The following UQCC1 variants were observed in gnomAD, a reference collection of about 807,000 sequenced individuals.
UQCC1 encodes the protein ubiquinol-cytochrome c reductase complex assembly factor 1.
UQCC1 carries 38 observed loss-of-function variants against 48.0 expected under a neutral mutation model. That is an observed-to-expected ratio of 0.79 (90% CI 0.61 to 1.04). The LOEUF is 1.04. UQCC1 is among the 50% of genes least tolerant of loss of function. The pLI, the probability that UQCC1 is intolerant of heterozygous loss-of-function variation, is 0.00. For synonymous variants in UQCC1, 111 were observed against 129.2 expected (o/e 0.86, Z 0.95); for missense variants, 368 against 381.8 (o/e 0.96, Z 0.30).
intron 7 of UQCC1, among the ~76,000 whole-genome samples, chr20:35,331,148 C>G (rs953065978): frequency 6.6e-6 from 1 of 152,034 alleles, no homozygotes; most frequent in Non-Finnish European, 1.5e-5. Context: ...GAGACAGAAG[C>G]CTGCTCAGCG....
intron 6 of UQCC1, among the ~76,000 whole-genome samples, chr20:35,352,691 G>GT (rs1568675829): frequency 2.0e-5 from 2 of 101,260 alleles, no homozygotes; most frequent in African/African-American, 5.8e-5. Context: ...TTTGGTTTTT[G>GT]TTTTTTTCAG....
chr20:35,384,425 G>A (rs144394380), intron 2 of UQCC1: 62 of 341,108 alleles, frequency 1.8e-4, no homozygotes, highest in African/African-American at 1.3e-3. Context: ...AGGATTGCTT[G>A]AGGCCAGAGT....
intron 6 of UQCC1, among the ~76,000 whole-genome samples, chr20:35,362,213 T>C (rs2061614238): frequency 6.6e-6 from 1 of 152,164 alleles, no homozygotes; most frequent in South Asian, 2.1e-4. Flanking sequence ...TGCAGAAGAC[T>C]TGATATTTCT....
At chr20:35,377,649 T>A (rs943465170) in intron 4 of UQCC1, among the ~76,000 whole-genome samples, 19 of 152,224 alleles carry the variant, frequency 1.2e-4, no homozygotes, top group African/African-American at 4.6e-4. Context: ...TATGTAACTT[T>A]AACTAAAATT....
intron 6 of UQCC1, among the ~76,000 whole-genome samples, chr20:35,353,929 ATT>A (rs2061518318): frequency 6.6e-6 from 1 of 152,160 alleles, no homozygotes; most frequent in Non-Finnish European, 1.5e-5. Context: ...CAAGAATACC[ATT>A]TTTTATTTCT....
chr20:35,363,960 G>A (rs1164340798), intron 6 of UQCC1, among the ~76,000 whole-genome samples: 1 of 151,850 alleles, frequency 6.6e-6, no homozygotes, highest in African/African-American at 2.4e-5. Context: ...TGCCCACCCC[G>A]CCCCTGCACG....
intron 6 of UQCC1, among the ~76,000 whole-genome samples, chr20:35,361,514 C>T (rs1049343044): frequency 6.6e-6 from 1 of 152,212 alleles, no homozygotes; most frequent in African/African-American, 2.4e-5. Context: ...CTGCTGTACA[C>T]AGTACCTTCA....
At chr20:35,404,912 C>T (rs1001733121) in intron 1 of UQCC1, among the ~76,000 whole-genome samples, 6 of 152,096 alleles carry the variant, frequency 3.9e-5, no homozygotes, top group Non-Finnish European at 1.5e-5. Flanking sequence ...AAAGGAAAAG[C>T]TGGGGAATAA....
chr20:35,401,720 G>A lies in UQCC1; in HGVS notation c.25-7524C>T, dbSNP rs148613458. Among the ~76,000 whole-genome samples the A allele has an allele frequency of 7.2e-3, 971 of 134,816 alleles. 15 individuals are homozygous for A. Among genetic ancestry groups the A allele is most frequent in the African/African-American group, 0.026 (930 of 36,154 alleles). The allele number at this position is 134,816 out of a possible 152,430, so 88.4% of individuals were successfully genotyped here. The stretch of plus-strand genomic sequence containing the variant: ...CTTGTTGCCCAGACTGGAGTGCAAT[G>A]ACGCAATCTCAGCTCACCGCAACCT... On this transcript the variant is annotated intron_variant, in intron 1 of 9. Coordinates refer to ENST00000374385, the MANE Select transcript of UQCC1 (RefSeq NM_018244.5).
chr20:35,407,341 T>C (rs960515326), intron 1 of UQCC1, among the ~76,000 whole-genome samples: 1 of 151,816 alleles, frequency 6.6e-6, no homozygotes, highest in Non-Finnish European at 1.5e-5. Flanking sequence ...GGCAGGAGAA[T>C]TGCTTGAACC....
intron 7 of UQCC1, among the ~76,000 whole-genome samples, chr20:35,322,895 T>TGGAGTGCAGTG (rs2146328544): frequency 6.6e-6 from 1 of 151,928 alleles, no homozygotes; most frequent in East Asian, 1.9e-4. Flanking sequence ...TCACCCAGGC[T>TGGAGTGCAGTG]GGAGTGCAGT....
At chr20:35,384,639 C>A (rs1356374995) in intron 2 of UQCC1, 39 of 432,804 alleles carry the variant, frequency 9.0e-5, no homozygotes, top group African/African-American at 8.5e-4. Context: ...AAGAGCAAGA[C>A]CCTGTCTGTA....
chr20:35,356,715 C>T (rs1174382151), intron 6 of UQCC1, among the ~76,000 whole-genome samples: 1 of 152,162 alleles, frequency 6.6e-6, no homozygotes. Flanking sequence ...CAGAGTCCTA[C>T]GAAGGTTTTT....
At chr20:35,340,224 C>T (rs563661779) in intron 7 of UQCC1, among the ~76,000 whole-genome samples, 1 of 152,290 alleles carries the variant, frequency 6.6e-6, no homozygotes, top group East Asian at 1.9e-4. Flanking sequence ...ACTCCTCGAA[C>T]TCTTGCTACC....
intron 9 of UQCC1, among the ~76,000 whole-genome samples, chr20:35,306,037 G>C (rs1192051160): frequency 6.6e-6 from 1 of 152,212 alleles, no homozygotes; most frequent in African/African-American, 2.4e-5. Context: ...CAGGATCTGA[G>C]GGCAGGGAGG....
chr20:35,324,810 T>C (rs529988013), intron 7 of UQCC1, among the ~76,000 whole-genome samples: 2 of 152,204 alleles, frequency 1.3e-5, no homozygotes, highest in African/African-American at 4.8e-5. Context: ...AGAACTACCA[T>C]ATAGCCCAGC....
chr20:35,324,604 G>A (rs1385531163), intron 7 of UQCC1, among the ~76,000 whole-genome samples: 1 of 152,230 alleles, frequency 6.6e-6, no homozygotes, highest in Non-Finnish European at 1.5e-5. Context: ...GGGATTACAG[G>A]CGTGAGCCAC....
chr20:35,390,357 G>A (rs1295982688), intron 2 of UQCC1, among the ~76,000 whole-genome samples: 1 of 151,768 alleles, frequency 6.6e-6, no homozygotes, highest in Non-Finnish European at 1.5e-5. Flanking sequence ...GGGAGGCGGA[G>A]GTTGCAGTGA....
intron 6 of UQCC1, among the ~76,000 whole-genome samples, chr20:35,349,887 C>T (rs2061471775): frequency 1.3e-5 from 2 of 152,234 alleles, no homozygotes; most frequent in South Asian, 4.1e-4. Flanking sequence ...GTCCCAGCTA[C>T]TCAGGAGGCT....
Sources: gnomAD v4.1 joint callset for allele counts (sites outside exome capture counted in the v4.1 genomes callset) on GRCh38, gnomAD v4.1.1 for gene constraint, MANE v1.5 for transcripts, NCBI Gene and HGNC (gene_info 2026-07-23, HGNC 2026-07-21) for gene names.